The following ADARB2 variants were observed in gnomAD, a reference collection of about 807,000 sequenced individuals.
The protein encoded by ADARB2 is inactive double-stranded RNA-specific editase B2.
A neutral mutation model predicts 62.2 loss-of-function variants in ADARB2; 25 were observed. The observed-to-expected ratio is 0.40, with a 90% CI of 0.29 to 0.56. The LOEUF is 0.56. ADARB2 is among the 20% of genes least tolerant of loss of function. The pLI, the probability that ADARB2 is intolerant of heterozygous loss-of-function variation, is 0.43. For synonymous variants in ADARB2, 572 were observed against 500.8 expected, an observed-to-expected ratio of 1.14 and a Z score of -1.90; for missense variants, 1,071 against 1,077.4, an observed-to-expected ratio of 0.99 and a Z score of 0.08.
At chr10:1,327,272 ACAGCGCCTCCTCACTGCC>A (rs1831871717) in intron 3 of ADARB2, among the ~76,000 whole-genome samples, 1 of 30,440 alleles carries the variant, frequency 3.3e-5, no homozygotes, top group Non-Finnish European at 8.3e-5. Flanking sequence ...TCCTCACTGC[ACAGCGCCTCCTCACTGCC>A]CAGCGCCTCC....
In ADARB2 at chr10:1,363,304, G is replaced by T. The variant is rs1832278943; in HGVS notation, c.801C>A (p.Thr267=). The change falls in exon 3 of 10, where the codon ACC becomes ACA. Residue 267 remains threonine, a synonymous_variant. Transcript: ENST00000381312. The part of the protein sequence containing the change: ...LCRALDLVGP[T]PATPAAPGER... ...CGCCCGGGGCCGCGGGGGTGGCGGG[G>T]GTCGGGCCCACCAGGTCCAGCGCGC... 10 of 1,232,142 alleles carry T rather than the reference G, an allele frequency of 8.1e-6. No homozygotes were observed. In the East Asian group the frequency reaches 1.0e-4, roughly 12 times the overall value. 76.3% of individuals were successfully genotyped at this position (1,232,142 alleles called of 1,614,324 possible). A position where few individuals can be genotyped will look rare whatever the true frequency, so the allele number is the denominator to read the frequency against.
intron 4 of ADARB2, among the ~76,000 whole-genome samples, chr10:1,260,801 A>C (rs1469622100): frequency 1.4e-5 from 2 of 139,066 alleles, no homozygotes; most frequent in South Asian, 5.3e-4. Context: ...GGAAAAAACT[A>C]CTTTAAAGTT....
At chr10:1,196,206 C>CTT (rs10665720) in intron 8 of ADARB2, among the ~76,000 whole-genome samples, 16,385 of 120,734 alleles carry the variant, frequency 0.14, 1,389 homozygotes, top group Non-Finnish European at 0.18. Context: ...CTTCTTTTGC[C>CTT]TTTTTTTTTT....
intron 1 of ADARB2, among the ~76,000 whole-genome samples, chr10:1,589,300 G>A (rs756870404): frequency 7.9e-5 from 12 of 152,218 alleles, no homozygotes; most frequent in East Asian, 1.9e-4. Flanking sequence ...GGAAAGGTGC[G>A]GACCCTGCCA....
chr10:1,233,283 C>T (rs376818952), intron 6 of ADARB2, among the ~76,000 whole-genome samples: 13 of 152,208 alleles, frequency 8.5e-5, no homozygotes, highest in African/African-American at 3.1e-4. Context: ...AATCACTCAT[C>T]CCTGGCTTGG....
At chr10:1,620,377 C>G (rs532298474) in intron 1 of ADARB2, among the ~76,000 whole-genome samples, 72 of 152,146 alleles carry the variant, frequency 4.7e-4, no homozygotes, top group African/African-American at 1.7e-3. Context: ...AATGAGGCAA[C>G]TTAGATGAGA....
chr10:1,629,860 G>A (rs1249323901), intron 1 of ADARB2, among the ~76,000 whole-genome samples: 1 of 152,102 alleles, frequency 6.6e-6, no homozygotes, highest in Non-Finnish European at 1.5e-5. Flanking sequence ...TTAACACAAA[G>A]TGACCTGGAC....
At chr10:1,186,481 G>A (rs752963944) in intron 8 of ADARB2, 9 of 518,854 alleles carry the variant, frequency 1.7e-5, no homozygotes, top group Middle Eastern at 3.2e-4. Context: ...CCCACCTCCC[G>A]CGGCACCTGC....
intron 1 of ADARB2, among the ~76,000 whole-genome samples, chr10:1,724,769 G>A (rs1835142348): frequency 1.3e-5 from 2 of 152,340 alleles, no homozygotes; most frequent in Non-Finnish European, 2.9e-5. Context: ...TTGTGGGAGA[G>A]AGGATGTAAC....
chr10:1,351,126 C>T (rs191442884), intron 3 of ADARB2, among the ~76,000 whole-genome samples: 115 of 152,306 alleles, frequency 7.6e-4, no homozygotes, highest in Non-Finnish European at 9.1e-4. Flanking sequence ...TCAGACTGTT[C>T]AACTCACCTG....
chr10:1,608,846 G>A (rs1457203184), intron 1 of ADARB2, among the ~76,000 whole-genome samples: 7 of 150,854 alleles, frequency 4.6e-5, no homozygotes, highest in Non-Finnish European at 1.0e-4. Context: ...GTCTGGGAGG[G>A]AGGGGAGATG....
intron 1 of ADARB2, among the ~76,000 whole-genome samples, chr10:1,639,857 A>ACAAAG (rs1833958552): frequency 7.3e-6 from 1 of 137,366 alleles, no homozygotes; most frequent in African/African-American, 2.6e-5. Context: ...ACAAAACAAA[A>ACAAAG]CAAAGCAAAA....
chr10:1,273,718 C>A (rs998852521), intron 3 of ADARB2, among the ~76,000 whole-genome samples: 1 of 152,154 alleles, frequency 6.6e-6, no homozygotes, highest in Non-Finnish European at 1.5e-5. Flanking sequence ...CCTCAGGCCT[C>A]GAGAAGTCAG....
At chr10:1,684,512 G>A (rs1834576792) in intron 1 of ADARB2, among the ~76,000 whole-genome samples, 1 of 152,100 alleles carries the variant, frequency 6.6e-6, no homozygotes, top group Non-Finnish European at 1.5e-5. Flanking sequence ...AATGAATGGG[G>A]CACTTTTCTT....
At chr10:1,543,349 G>T (rs1832468824) in intron 1 of ADARB2, among the ~76,000 whole-genome samples, 1 of 152,230 alleles carries the variant, frequency 6.6e-6, no homozygotes, top group South Asian at 2.1e-4. Context: ...CAATTAATAT[G>T]CTGGGAACAC....
chr10:1,227,201 C>G lies in ADARB2; in HGVS notation c.1513+6493G>C, dbSNP rs1017813203. Among the ~76,000 whole-genome samples, 3 of 152,186 alleles carry G rather than the reference C, an allele frequency of 2.0e-5. No homozygotes were observed. In the East Asian group the frequency reaches 5.8e-4, roughly 29 times the overall value. On this transcript the variant is annotated intron_variant, in intron 6 of 9. Transcript: ENST00000381312. ...GAGACTCCGTGGGTGTAGGACCCTC[C>G]GAGCCAGGTGTGGAATATAATCTCC...
chr10:1,209,547 ATGC>A (rs1837119356), intron 7 of ADARB2, among the ~76,000 whole-genome samples: 21 of 35,794 alleles, frequency 5.9e-4, no homozygotes, highest in Middle Eastern at 0.015. Context: ...GCCCACACCC[ATGC>A]CATCACCCAC....
chr10:1,669,391 G>GCA lies in ADARB2; in HGVS notation c.100+67658_100+67659dup, dbSNP rs375348402. On this transcript the variant is annotated intron_variant, in intron 1 of 9. Coordinates refer to ENST00000381312, the MANE Select transcript of ADARB2 (RefSeq NM_018702.4). ...CACCCACCTGCCTTGTGTGAAAGCA[G>GCA]CACACACATAACACATAGAGACACA... Among the ~76,000 whole-genome samples, 513 of 152,228 alleles carry GCA rather than the reference G, an allele frequency of 3.4e-3. 4 individuals are homozygous for GCA. The highest frequency in any genetic ancestry group is 0.012 in the African/African-American group (486 of 41,532).
At chr10:1,533,816 A>ACCCT (rs1006851592) in intron 1 of ADARB2, among the ~76,000 whole-genome samples, 1 of 151,666 alleles carries the variant, frequency 6.6e-6, no homozygotes, top group African/African-American at 2.4e-5. Flanking sequence ...AGAAGCACCC[A>ACCCT]CCCTCCCCCT....
Sources: allele counts gnomAD v4.1 joint callset (sites outside exome capture counted in the v4.1 genomes callset), GRCh38; gene constraint gnomAD v4.1.1; transcripts MANE v1.5; gene names NCBI Gene and HGNC (gene_info 2026-07-23, HGNC 2026-07-21).